Variants in ADGRL2 observed in about 807,000 individuals in gnomAD.
ADGRL2 encodes the protein calcium-independent alpha-latrotoxin receptor 2.
A neutral mutation model predicts 157.4 loss-of-function variants in ADGRL2; 44 were observed. That is an observed-to-expected ratio of 0.28 (90% confidence interval 0.22 to 0.36). The LOEUF (loss-of-function observed/expected upper bound fraction) is 0.36. Among genes scored for constraint, ADGRL2 ranks in the 10% least tolerant of loss-of-function variants. The pLI, the probability that ADGRL2 is intolerant of heterozygous loss-of-function variation, is 1.00. For synonymous variants in ADGRL2, 585 were observed against 624.7 expected (o/e 0.94, Z 0.95); for missense variants, 1,510 against 1,768.9 (o/e 0.85, Z 2.63).
chr1:81,970,460 T>G lies in ADGRL2; in HGVS notation c.2880T>G (p.Ala960=). 1 of 1,567,124 alleles carries G rather than the reference T, an allele frequency of 6.4e-7. No individual in the cohort carries two copies. Among genetic ancestry groups the G allele is most frequent in the Non-Finnish European group, 8.6e-7 (1 of 1,163,580 alleles). The change falls in exon 16 of 24, where the codon GCT becomes GCG. Residue 960 remains alanine (A), a synonymous_variant. Coordinates refer to ENST00000686636, the MANE Select transcript of ADGRL2 (RefSeq NM_001366006.2). ...CAAGGAAAAAATATTACTATGTTGC[T>G]GGTTACTTGTTTCCTGCCACAGTGG... The part of the protein sequence containing the change: ...EYSRKKYYYV[A]GYLFPATVVG...
chr1:81,581,874 G>GCAGACACACACACACACACACACA (rs1553127044), intron 3 of ADGRL2, among the ~76,000 whole-genome samples: 2 of 83,452 alleles, frequency 2.4e-5, no homozygotes, highest in African/African-American at 6.4e-5. Flanking sequence ...ACACATGCGC[G>GCAGACACACACACACACACACACA]CACACACACA....
intron 3 of ADGRL2, among the ~76,000 whole-genome samples, chr1:81,682,193 GAA>G (rs2083134466): frequency 6.6e-6 from 1 of 151,722 alleles, no homozygotes; most frequent in Non-Finnish European, 1.5e-5. Context: ...GCTGTTGCTG[GAA>G]AGAGAGGAGA....
rs1472864505 is a variant in ADGRL2 at position 81,992,321 on chromosome 1, T to C, written c.*1176T>C. 1 of 152,656 alleles carries C rather than the reference T, an allele frequency of 6.6e-6. No homozygotes were observed. Among genetic ancestry groups the C allele is most frequent in the Non-Finnish European group, 1.5e-5 (1 of 68,038 alleles). 9.5% of individuals were successfully genotyped at this position (152,656 alleles called of 1,614,324 possible). A position where few individuals can be genotyped will look rare whatever the true frequency, so the allele number is the denominator to read the frequency against. ...TTGTTTCAGCAAAATTCTGCTTTTT[T>C]TTCATCCCTTTGTGTAAACCTGTTA... On this transcript the variant is annotated 3_prime_UTR_variant, in exon 24 of 24. Transcript: ENST00000686636.
intron 2 of ADGRL2, among the ~76,000 whole-genome samples, chr1:81,524,210 C>CA (rs2079396321): frequency 6.6e-6 from 1 of 150,530 alleles, no homozygotes; most frequent in African/African-American, 2.5e-5. Flanking sequence ...AAAAAAAATA[C>CA]AAAAAATTAG....
rs559455859 is a variant in ADGRL2, at chr1:81,427,689, C to T, written c.-301-17347C>T. 1.6e-4 allele frequency: 73 copies of T among 461,784 alleles called. 1 individual carries two copies. Among genetic ancestry groups the T allele is most frequent in the Admixed American group, 8.5e-4 (24 of 28,190 alleles). 28.6% of individuals were successfully genotyped at this position (461,784 alleles called of 1,614,324 possible). ...AGGAAAGCTGGAGGTTACTTTGAGA[C>T]AGTCATCCCAAATGCATTAAAGGAA... On this transcript the variant is annotated intron_variant, in intron 1 of 24. Coordinates refer to the ADGRL2 transcript ENST00000370721.
At chr1:81,723,595 A>G (rs1352633831) in intron 1 of ADGRL2, among the ~76,000 whole-genome samples, 23 of 152,224 alleles carry the variant, frequency 1.5e-4, no homozygotes, top group Non-Finnish European at 1.6e-4. Context: ...ATTTGAGGAT[A>G]AACATTGTAT....
chr1:81,536,890 G>A (rs960832353), intron 2 of ADGRL2, among the ~76,000 whole-genome samples: 1 of 152,208 alleles, frequency 6.6e-6, no homozygotes, highest in East Asian at 1.9e-4. Context: ...GCTAGGCACT[G>A]CATAAGCGTA....
intron 2 of ADGRL2, among the ~76,000 whole-genome samples, chr1:81,878,022 T>C (rs2093887117): frequency 6.6e-6 from 1 of 152,192 alleles, no homozygotes; most frequent in Non-Finnish European, 1.5e-5. Context: ...TTGTTTGCTA[T>C]ATTAGAATAC....
chr1:81,799,113 C>T (rs1316050778), upstream of ADGRL2, among the ~76,000 whole-genome samples: 1 of 152,142 alleles, frequency 6.6e-6, no homozygotes, highest in African/African-American at 2.4e-5. Flanking sequence ...TTTTCAACGA[C>T]TTGAAGTAGC....
chr1:81,333,630 C>G (rs1221752895), intron 1 of ADGRL2, among the ~76,000 whole-genome samples: 1 of 151,922 alleles, frequency 6.6e-6, no homozygotes, highest in Non-Finnish European at 1.5e-5. Flanking sequence ...CTTGGCCAGG[C>G]TGGTCTTGAA....
chr1:81,397,655 AT>A (rs1187073305), intron 1 of ADGRL2, among the ~76,000 whole-genome samples: 2 of 151,794 alleles, frequency 1.3e-5, no homozygotes, highest in African/African-American at 4.8e-5. Context: ...GATTTTATTT[AT>A]TTGGGTCTTT....
At chr1:81,435,161 A>G (rs1375739502) in intron 1 of ADGRL2, among the ~76,000 whole-genome samples, 1 of 152,252 alleles carries the variant, frequency 6.6e-6, no homozygotes, top group Non-Finnish European at 1.5e-5. Flanking sequence ...AAATAAAATT[A>G]CATTTACTTT....
chr1:81,461,276 C>T lies in ADGRL2; in HGVS notation c.-248+16187C>T, dbSNP rs542097306. On this transcript the variant is annotated intron_variant, in intron 2 of 24. Transcript: ENST00000370721. ...AGTAAAAGCTTTCTTTTTTTCTTTT[C>T]TTTTCTTTTTTTTTTCCTTTGGTTT... Among the ~76,000 whole-genome samples, 1,075 of 151,378 alleles carry T rather than the reference C, an allele frequency of 7.1e-3. 15 individuals are homozygous for T. The highest frequency in any genetic ancestry group is 0.025 in the African/African-American group (1,030 of 41,242).
chr1:81,430,340 G>A (rs2077297718), intron 1 of ADGRL2, among the ~76,000 whole-genome samples: 1 of 152,178 alleles, frequency 6.6e-6, no homozygotes, highest in African/African-American at 2.4e-5. Flanking sequence ...TCCACATGGG[G>A]TCTGTAAAGA....
At chr1:81,683,586 C>A (rs762237594) in intron 3 of ADGRL2, among the ~76,000 whole-genome samples, 1 of 152,144 alleles carries the variant, frequency 6.6e-6, no homozygotes, top group Non-Finnish European at 1.5e-5. Flanking sequence ...GGATAATAGT[C>A]TCCAATCTCA....
At chr1:81,942,850 T>A in intron 5 of ADGRL2, 119 bp from the exon 6 acceptor site, 1 of 773,246 alleles carries the variant, frequency 1.3e-6, no homozygotes, top group Non-Finnish European at 2.3e-6. Flanking sequence ...GTATACATTT[T>A]GGTAAAATTG....
At chr1:81,308,617 A>T (rs1327930113) in intron 1 of ADGRL2, among the ~76,000 whole-genome samples, 1 of 152,178 alleles carries the variant, frequency 6.6e-6, no homozygotes, top group African/African-American at 2.4e-5. Flanking sequence ...TTTTCAACCA[A>T]ATTACCAGGG....
At chr1:81,462,609 GAT>G (rs1443489809) in intron 2 of ADGRL2, among the ~76,000 whole-genome samples, 1 of 152,098 alleles carries the variant, frequency 6.6e-6, no homozygotes, top group Non-Finnish European at 1.5e-5. Flanking sequence ...AGTGTGGTCC[GAT>G]TTTTACTCAG....
intron 2 of ADGRL2, among the ~76,000 whole-genome samples, chr1:81,517,030 C>A (rs1478652691): frequency 6.6e-6 from 1 of 152,046 alleles, no homozygotes; most frequent in African/African-American, 2.4e-5. Context: ...GCCTTTAGCC[C>A]ATTTCAGCCA....
Sources: gnomAD v4.1 joint callset for allele counts (sites outside exome capture counted in the v4.1 genomes callset) on GRCh38, gnomAD v4.1.1 for gene constraint, MANE v1.5 for transcripts, NCBI Gene and HGNC (gene_info 2026-07-23, HGNC 2026-07-21) for gene names.